RAP1GAP2: variants seen among roughly 807,000 people sequenced by gnomAD.
RAP1GAP2 encodes rap1 GTPase-activating protein 2.
RAP1GAP2 carries 27 observed loss-of-function variants against 95.0 expected under a neutral mutation model. The ratio of observed to expected loss-of-function variants is 0.28; its 90% confidence interval spans 0.21 to 0.39. The LOEUF (loss-of-function observed/expected upper bound fraction) is 0.39. Ranked by LOEUF, RAP1GAP2 falls within the 10% of genes least tolerant of loss-of-function variation. The pLI is 1.00. For missense variants in RAP1GAP2, 771 were observed against 970.0 expected, an observed-to-expected ratio of 0.79 and a Z score of 2.72; for synonymous variants, 373 against 380.9, an observed-to-expected ratio of 0.98 and a Z score of 0.24.
At chr17:2,841,157 A>AAAAC (rs199885275) in intron 2 of RAP1GAP2, among the ~76,000 whole-genome samples, 5 of 152,030 alleles carry the variant, frequency 3.3e-5, no homozygotes, top group African/African-American at 9.7e-5. Flanking sequence ...GTCTGTCTCA[A>AAAAC]AAACAAACAA....
At chr17:3,031,802 G>C (rs541368669) in intron 23 of RAP1GAP2, among the ~76,000 whole-genome samples, 2 of 137,268 alleles carry the variant, frequency 1.5e-5, no homozygotes, top group South Asian at 5.1e-4. Flanking sequence ...AGGTGGGAAG[G>C]GCTGGTTCCT....
At chr17:2,854,371 C>A (rs1283134194) in intron 2 of RAP1GAP2, among the ~76,000 whole-genome samples, 1 of 152,230 alleles carries the variant, frequency 6.6e-6, no homozygotes, top group African/African-American at 2.4e-5. Flanking sequence ...TCCGTCGCCC[C>A]CAGACCCTTT....
At chr17:2,769,708 C>A (rs1246144655) in intron 1 of RAP1GAP2, among the ~76,000 whole-genome samples, 1 of 152,162 alleles carries the variant, frequency 6.6e-6, no homozygotes, top group African/African-American at 2.4e-5. Flanking sequence ...TGCTTACATA[C>A]CTCCAGTGAC....
intron 3 of RAP1GAP2, among the ~76,000 whole-genome samples, chr17:2,954,508 C>T (rs904632260): frequency 6.6e-6 from 1 of 152,098 alleles, no homozygotes; most frequent in Non-Finnish European, 1.5e-5. Flanking sequence ...TTCTTAACTG[C>T]TTTTCTATAC....
At chr17:3,001,123 C>A (rs1453068720) in intron 14 of RAP1GAP2, among the ~76,000 whole-genome samples, 2 of 34,142 alleles carry the variant, frequency 5.9e-5, no homozygotes, top group Non-Finnish European at 9.3e-5. Flanking sequence ...TTCCTGATGC[C>A]GGAGAAGGGG....
At chr17:2,771,346 A>G (rs147489443) in intron 2 of RAP1GAP2, among the ~76,000 whole-genome samples, 456 of 152,162 alleles carry the variant, frequency 3.0e-3, no homozygotes, top group African/African-American at 0.01. Context: ...TTCCCCCAGC[A>G]CTGGACACGT....
chr17:3,014,212 A>C (rs2046676354), intron 17 of RAP1GAP2, among the ~76,000 whole-genome samples: 1 of 151,648 alleles, frequency 6.6e-6, no homozygotes, highest in Non-Finnish European at 1.5e-5. Flanking sequence ...GCCAGCACAG[A>C]CCTGGATGGT....
chr17:2,860,948 C>G (rs1000645985), intron 2 of RAP1GAP2, among the ~76,000 whole-genome samples: 1 of 152,016 alleles, frequency 6.6e-6, no homozygotes, highest in South Asian at 2.1e-4. Context: ...CTCCATAGTC[C>G]GGCCCACACC....
rs369146069 is a variant in RAP1GAP2 at position 2,997,500 on chromosome 17, C to A, written c.1045-721C>A. 3.3e-4 allele frequency among the ~76,000 whole-genome samples: 51 copies of A among 152,290 alleles called. 1 individual carries two copies. Among genetic ancestry groups the A allele is most frequent in the East Asian group, 2.1e-3 (11 of 5,174 alleles). On this transcript the variant is annotated intron_variant, in intron 13 of 24. Coordinates refer to ENST00000254695, the MANE Select transcript of RAP1GAP2 (RefSeq NM_015085.5). The stretch of plus-strand genomic sequence containing the variant: ...GACAGGCTCTACCAGGGCAAGACCC[C>A]GCCTTGCCTTTTAAATATTCTTGCC...
chr17:2,793,799 C>G (rs984043236), upstream of RAP1GAP2, among the ~76,000 whole-genome samples: 2 of 152,120 alleles, frequency 1.3e-5, no homozygotes, highest in African/African-American at 4.8e-5. Context: ...TCAGATGATG[C>G]CCTTGAGACT....
At chr17:2,886,779 G>C (rs1024598568) in intron 2 of RAP1GAP2, among the ~76,000 whole-genome samples, 1 of 152,124 alleles carries the variant, frequency 6.6e-6, no homozygotes, top group African/African-American at 2.4e-5. Context: ...GAGCGGCAGG[G>C]GTCGGGGAGT....
chr17:2,933,099 A>C (rs1348273157), intron 3 of RAP1GAP2, among the ~76,000 whole-genome samples: 2 of 152,240 alleles, frequency 1.3e-5, no homozygotes, highest in African/African-American at 2.4e-5. Context: ...TGAGCCAGCC[A>C]GCCAGACAGT....
chr17:2,770,934 G>A (rs1172744838), intron 2 of RAP1GAP2, among the ~76,000 whole-genome samples: 1 of 152,042 alleles, frequency 6.6e-6, no homozygotes, highest in Non-Finnish European at 1.5e-5. Flanking sequence ...CCAGCTACTC[G>A]GGATTGAGTA....
intron 10 of RAP1GAP2, 121 bp downstream of exon 10, chr17:2,981,369 T>A (rs560474353): frequency 1.1e-6 from 1 of 893,476 alleles, no homozygotes; most frequent in East Asian, 2.7e-5. Context: ...CATAATAAGC[T>A]TCCATGTCTC....
chr17:2,910,625 C>T (rs1001502937), intron 3 of RAP1GAP2, among the ~76,000 whole-genome samples: 4 of 152,130 alleles, frequency 2.6e-5, no homozygotes, highest in Admixed American at 2.0e-4. Flanking sequence ...GATGGGCGAT[C>T]CATTTCCTTT....
chr17:2,800,915 T>C (rs1203823986), intron 2 of RAP1GAP2, among the ~76,000 whole-genome samples: 1 of 150,022 alleles, frequency 6.7e-6, no homozygotes, highest in Non-Finnish European at 1.5e-5. Context: ...GGTGGCATGA[T>C]CTCTGCTCAC....
rs144417920 is a variant in RAP1GAP2 at position 2,942,930 on chromosome 17, A to G, written c.166-14829A>G. Among the ~76,000 whole-genome samples, 1,448 of 151,854 alleles carry G rather than the reference A, an allele frequency of 9.5e-3. 26 individuals carry two copies. The highest frequency in any genetic ancestry group is 0.031 in the African/African-American group (1,285 of 41,368). On this transcript the variant is annotated intron_variant, in intron 3 of 24. Coordinates refer to ENST00000254695, the MANE Select transcript of RAP1GAP2 (RefSeq NM_015085.5). ...TGACAGGCACTCACCACCCACGCCT[A>G]GCTAATTTTTGTATTTTTAGTAGAG... is the stretch of plus-strand genomic sequence containing the variant.
At chr17:2,941,476 T>G (rs1054437285) in intron 3 of RAP1GAP2, among the ~76,000 whole-genome samples, 3 of 151,634 alleles carry the variant, frequency 2.0e-5, no homozygotes, top group Non-Finnish European at 4.4e-5. Context: ...GGCTGTTCTG[T>G]GGGGAACTGA....
rs554299267 is a variant in RAP1GAP2, at chr17:2,769,281, T to C, written c.51-1048T>C. On this transcript the variant is annotated intron_variant, in intron 1 of 25. Transcript: ENST00000637138. Reference sequence around the variant, plus strand: ...AAAAAAAAAAAAAAAAAGGTCTGGGTGCGGTGGCTCACGCCTGTAATCCCA... The same window carrying C: ...AAAAAAAAAAAAAAAAAGGTCTGGGCGCGGTGGCTCACGCCTGTAATCCCA... Among the ~76,000 whole-genome samples, 200 of 77,596 alleles carry C rather than the reference T, an allele frequency of 2.6e-3. 1 individual carries two copies. Among genetic ancestry groups the C allele is most frequent in the Non-Finnish European group, 4.2e-3 (169 of 40,416 alleles). 50.9% of individuals were successfully genotyped at this position (77,596 alleles called of 152,430 possible).
Sources: allele counts gnomAD v4.1 joint callset (sites outside exome capture counted in the v4.1 genomes callset), GRCh38; gene constraint gnomAD v4.1.1; transcripts MANE v1.5; gene names NCBI Gene and HGNC (gene_info 2026-07-23, HGNC 2026-07-21).